Variants in SNX5 observed in about 807,000 individuals in gnomAD.
SNX5 encodes the protein sorting nexin 5.
SNX5 carries 31 observed loss-of-function variants against 53.9 expected under a neutral mutation model. That is an observed-to-expected ratio of 0.58 (90% CI 0.43 to 0.78). The LOEUF (loss-of-function observed/expected upper bound fraction) is 0.78. Ranked by LOEUF, SNX5 falls within the 30% of genes least tolerant of loss-of-function variation. The pLI, the probability that SNX5 is intolerant of heterozygous loss-of-function variation, is 0.00. For missense variants in SNX5, 471 were observed against 478.8 expected (o/e 0.98, Z 0.15); for synonymous variants, 168 against 171.1 (o/e 0.98, Z 0.14).
intron 11 of SNX5, chr20:17,944,884 G>C (rs1294847967): frequency 6.6e-6 from 1 of 152,176 alleles, no homozygotes; most frequent in Non-Finnish European, 1.5e-5. Flanking sequence ...TCAGAATTCG[G>C]CATTAATGAC....
At chr20:17,945,548 C>T (rs1393706710) in intron 11 of SNX5, 1 of 151,746 alleles carries the variant, frequency 6.6e-6, no homozygotes. Context: ...TTTCCAGAGC[C>T]ATGAAACTGG....
At chr20:17,954,400 T>C (rs1439287364) in intron 3 of SNX5, among the ~76,000 whole-genome samples, 1 of 152,230 alleles carries the variant, frequency 6.6e-6, no homozygotes, top group East Asian at 1.9e-4. Flanking sequence ...ACTGCTTCAG[T>C]GTTCGCCTAA....
chr20:17,949,154 CATG>C (rs747229643), intron 8 of SNX5, 51 bp from the exon 9 acceptor site: 17 of 1,479,418 alleles, frequency 1.1e-5, no homozygotes, highest in Non-Finnish European at 1.6e-5. Context: ...ATCTATAAAA[CATG>C]ATCTTACCAG....
chr20:17,956,694 A>C (rs1049588831), intron 2 of SNX5, among the ~76,000 whole-genome samples: 11 of 130,172 alleles, frequency 8.5e-5, no homozygotes, highest in Admixed American at 6.2e-4. Context: ...AAAAAAAAAA[A>C]AAAAAAAAAA....
chr20:17,954,281 G>C (rs925534057), intron 3 of SNX5, 164 bp from the exon 4 acceptor site: 3 of 1,124,484 alleles, frequency 2.7e-6, no homozygotes, highest in Admixed American at 6.3e-5. Context: ...TAACTCTTCT[G>C]GACATTTAAA....
At chr20:17,956,332 C>T (rs898393857) in intron 2 of SNX5, among the ~76,000 whole-genome samples, 1 of 152,070 alleles carries the variant, frequency 6.6e-6, no homozygotes, top group Admixed American at 6.5e-5. Flanking sequence ...GCCGCCCAGG[C>T]GTTAAGAAAA....
At chr20:17,943,021 A>G in intron 12 of SNX5, 89 bp downstream of exon 12, 1 of 876,192 alleles carries the variant, frequency 1.1e-6, no homozygotes, top group Non-Finnish European at 1.9e-6. Flanking sequence ...AGGCCACCCC[A>G]ACTGCCTGAT....
At chr20:17,952,130 GGA>G (rs1401389651) in intron 5 of SNX5, among the ~76,000 whole-genome samples, 5 of 152,160 alleles carry the variant, frequency 3.3e-5, no homozygotes, top group African/African-American at 1.2e-4. Context: ...GGCTGAGGCA[GGA>G]GAATGGCGTG....
chr20:17,967,842 T>C (rs2035577831), intron 1 of SNX5: 3 of 389,498 alleles, frequency 7.7e-6, no homozygotes, highest in African/African-American at 4.1e-5. Context: ...TACTAAAAAT[T>C]ACACAACTCC....
intron 11 of SNX5, among the ~76,000 whole-genome samples, chr20:17,945,913 G>GT (rs1442221998): frequency 1.3e-5 from 2 of 152,216 alleles, no homozygotes; most frequent in Non-Finnish European, 2.9e-5. Flanking sequence ...AAAAAACTAA[G>GT]TAAGATATGA....
At position 17,968,554 on chromosome 20, in the gene SNX5, C is replaced by G; in HGVS notation, c.-129G>C. 1 of 897,452 alleles carries G rather than the reference C, an allele frequency of 1.1e-6. No individual in the cohort carries two copies. Among genetic ancestry groups the G allele is most frequent in the Non-Finnish European group, 1.6e-6 (1 of 621,806 alleles). 55.6% of individuals were successfully genotyped at this position (897,452 alleles called of 1,614,324 possible). A position where few individuals can be genotyped will look rare whatever the true frequency, so the allele number is the denominator to read the frequency against. On this transcript the variant is annotated 5_prime_UTR_variant, in exon 1 of 13. Coordinates refer to ENST00000377759, the MANE Select transcript of SNX5 (RefSeq NM_014426.4). ...CGCCTCCGCCGGCCTCCCTGCCCGACGGCGGCAGGAGGCCTCCGGACTCCG... is the reference window on the plus strand; with the variant it reads ...CGCCTCCGCCGGCCTCCCTGCCCGAGGGCGGCAGGAGGCCTCCGGACTCCG...
chr20:17,957,152 T>A, intron 1 of SNX5, 115 bp from the exon 2 acceptor site: 1 of 709,622 alleles, frequency 1.4e-6, no homozygotes, highest in East Asian at 2.7e-5. Context: ...AAATGTCAGT[T>A]GAGCTGGGCG....
intron 3 of SNX5, among the ~76,000 whole-genome samples, chr20:17,954,442 TG>T (rs2035320236): frequency 1.3e-5 from 2 of 152,176 alleles, no homozygotes; most frequent in African/African-American, 4.8e-5. Flanking sequence ...GCACCAAAGA[TG>T]AGCCATCAAG....
chr20:17,948,224 A>G (rs1178450375), intron 10 of SNX5, among the ~76,000 whole-genome samples: 1 of 152,254 alleles, frequency 6.6e-6, no homozygotes, highest in Non-Finnish European at 1.5e-5. Context: ...TACTAGGCCT[A>G]TTTTTGTATA....
intron 1 of SNX5, among the ~76,000 whole-genome samples, chr20:17,959,778 C>T (rs542007930): frequency 5.5e-4 from 83 of 152,272 alleles, no homozygotes; most frequent in Non-Finnish European, 8.5e-4. Flanking sequence ...TACTCTCACT[C>T]GGGAAGCATC....
intron 1 of SNX5, among the ~76,000 whole-genome samples, chr20:17,964,250 G>GA (rs1306428784): frequency 6.6e-6 from 1 of 152,186 alleles, no homozygotes; most frequent in Admixed American, 6.5e-5. Flanking sequence ...GAGCCATCTG[G>GA]ATTTGTATTC....
At chr20:17,947,767 C>T (rs1053052577) in intron 10 of SNX5, 122 bp from the exon 11 acceptor site, 14 of 762,012 alleles carry the variant, frequency 1.8e-5, no homozygotes, top group Non-Finnish European at 2.7e-5. Flanking sequence ...CTTCCCTCTC[C>T]CAGAGTATTT....
intron 1 of SNX5, among the ~76,000 whole-genome samples, chr20:17,965,728 A>G (rs1173079352): frequency 6.6e-6 from 1 of 152,036 alleles, no homozygotes; most frequent in Non-Finnish European, 1.5e-5. Flanking sequence ...AATAATGTGA[A>G]CAGATAATGA....
At chr20:17,954,614 G>A (rs1316964590) in intron 3 of SNX5, among the ~76,000 whole-genome samples, 1 of 152,136 alleles carries the variant, frequency 6.6e-6, no homozygotes, top group Non-Finnish European at 1.5e-5. Context: ...CAGTCTGCCT[G>A]GCAGGACAAA....
Sources: allele counts gnomAD v4.1 joint callset (sites outside exome capture counted in the v4.1 genomes callset), GRCh38; gene constraint gnomAD v4.1.1; transcripts MANE v1.5; gene names NCBI Gene and HGNC (gene_info 2026-07-23, HGNC 2026-07-21).